The following DNA2 variants were observed in gnomAD, a reference collection of about 807,000 sequenced individuals.
DNA2 encodes DNA replication ATP-dependent helicase/nuclease DNA2.
In DNA2, 101 loss-of-function variants were observed where a neutral mutation model predicts 119.1. That is an observed-to-expected ratio of 0.85 (90% CI 0.72 to 1.00). The LOEUF (loss-of-function observed/expected upper bound fraction) is 1.00, where lower values mean the gene tolerates loss of function less well. Among genes scored for constraint, DNA2 ranks in the 50% least tolerant of loss-of-function variants. The pLI, the probability that DNA2 is intolerant of heterozygous loss-of-function variation, is 0.00. For synonymous variants in DNA2, 366 were observed against 424.4 expected, an observed-to-expected ratio of 0.86 and a Z score of 1.69; for missense variants, 1,121 against 1,255.5, an observed-to-expected ratio of 0.89 and a Z score of 1.62.
chr10:68,433,806 T>A (rs1357290104), intron 10 of DNA2, among the ~76,000 whole-genome samples: 3 of 152,200 alleles, frequency 2.0e-5, no homozygotes, highest in African/African-American at 7.2e-5. Flanking sequence ...CTCTCTTCCT[T>A]ATATTTTATA....
intron 14 of DNA2, among the ~76,000 whole-genome samples, chr10:68,427,359 A>T (rs2051755868): frequency 6.6e-6 from 1 of 151,928 alleles, no homozygotes; most frequent in South Asian, 2.1e-4. Context: ...AAAACAAAAA[A>T]AAAACCCCAC....
chr10:68,447,754 C>T (rs1306569444), intron 6 of DNA2, among the ~76,000 whole-genome samples: 7 of 151,458 alleles, frequency 4.6e-5, no homozygotes, highest in African/African-American at 1.5e-4. Flanking sequence ...GAGGCCGAGG[C>T]GGGCGGATCA....
At chr10:68,448,626 T>G (rs1366025958) in intron 6 of DNA2, among the ~76,000 whole-genome samples, 3 of 152,198 alleles carry the variant, frequency 2.0e-5, no homozygotes, top group Non-Finnish European at 4.4e-5. Context: ...ATTCTTAAAA[T>G]TTTCTTGCAC....
In DNA2 at chr10:68,428,882, G is replaced by A. The variant is rs1009452717; in HGVS notation, c.2208+1554C>T. Among the ~76,000 whole-genome samples, 6 of 152,116 alleles carry A rather than the reference G, an allele frequency of 3.9e-5. No homozygotes were observed. The South Asian group carries it at 1.0e-3, about 26-fold the overall frequency. On this transcript the variant is annotated intron_variant, in intron 14 of 20. Coordinates refer to ENST00000358410, the MANE Select transcript of DNA2 (RefSeq NM_001080449.3). ...AGGAATCTTGTGGTAATAGAATAGG[G>A]ACTGTATCAATGTCAACATCCTGGG...
Position 68,443,482 on chromosome 10 carries a change from A to G in DNA2, c.1221-371T>C, listed in dbSNP as rs552860725. On this transcript the variant is annotated intron_variant, in intron 8 of 20. Transcript: ENST00000358410. ...AGTACACATAAAAACACAGAGAATC[A>G]TTTGGATTTTGCTTAATACCAGATT... Among the ~76,000 whole-genome samples the G allele has an allele frequency of 2.0e-5, 3 of 152,326 alleles. No homozygotes were observed. In the South Asian group the frequency reaches 6.2e-4, roughly 32 times the overall value.
rs369989395 is a variant in DNA2, at chr10:68,430,651, G to T, written c.1993C>A (p.Leu665Ile). ...TTTICTLVRILYACGFSVLLT... is the reference protein window; with the variant it reads ...TTTICTLVRIIYACGFSVLLT... ...AAAACGCTAAAACCACAGGCGTAGA[G>T]AATTCTTACCTAATAATGGGTAAGA... Residue 665 changes from leucine to isoleucine, a missense_variant, in exon 14 of 21, where the codon CTC becomes ATC. Transcript: ENST00000358410. 24 of 1,582,480 alleles carry T rather than the reference G, an allele frequency of 1.5e-5. 1 individual carries two copies. In the South Asian group the frequency reaches 2.7e-4, roughly 18 times the overall value.
chr10:68,443,631 T>A (rs2051999243), intron 8 of DNA2, among the ~76,000 whole-genome samples: 1 of 152,132 alleles, frequency 6.6e-6, no homozygotes, highest in Non-Finnish European at 1.5e-5. Context: ...CATTAAGAGA[T>A]CCCTTGAAAA....
chr10:68,471,900 G>A lies in DNA2; in HGVS notation c.-36C>T, dbSNP rs975307442. 1.9e-6 allele frequency: 3 copies of A among 1,613,902 alleles called. No individual in the cohort carries two copies. Among genetic ancestry groups the A allele is most frequent in the South Asian group, 2.2e-5 (2 of 91,084 alleles). On this transcript the variant is annotated 5_prime_UTR_variant, in exon 1 of 21. Coordinates refer to ENST00000358410, the MANE Select transcript of DNA2 (RefSeq NM_001080449.3). ...GGGATCGCAAACTGTAGACAGAAAA[G>A]ACAGCGGAACCGGGGGTAACACAGA...
intron 9 of DNA2, among the ~76,000 whole-genome samples, chr10:68,442,345 A>G (rs941346325): frequency 6.6e-6 from 1 of 151,674 alleles, no homozygotes; most frequent in Admixed American, 6.6e-5. Context: ...CAGTCTCCTG[A>G]GTAGCTGGGA....
At chr10:68,439,446 A>T (rs867112484) in intron 9 of DNA2, among the ~76,000 whole-genome samples, 1 of 152,096 alleles carries the variant, frequency 6.6e-6, no homozygotes, top group African/African-American at 2.4e-5. Context: ...AACGCTTGTA[A>T]TCCCAGCACT....
Position 68,431,724 on chromosome 10 carries a change from C to A in DNA2, c.1983+138G>T, listed in dbSNP as rs765260621. ...TTTGTGCTTCAGCTTTACTATTTCT[C>A]ATCATTCTAAAAAGTTCATTTGAAA... On this transcript the variant is annotated intron_variant, in intron 13 of 20. Coordinates refer to ENST00000358410, the MANE Select transcript of DNA2 (RefSeq NM_001080449.3). 4.4e-5 allele frequency: 26 copies of A among 591,916 alleles called. No individual in the cohort carries two copies. In the Middle Eastern group the frequency reaches 1.9e-3, roughly 42 times the overall value. 36.7% of individuals were successfully genotyped at this position (591,916 alleles called of 1,614,324 possible). A position where few individuals can be genotyped will look rare whatever the true frequency, so the allele number is the denominator to read the frequency against.
intron 18 of DNA2, 107 bp downstream of exon 18, chr10:68,419,696 C>A (rs540182505): frequency 1.0e-4 from 78 of 783,634 alleles, no homozygotes; most frequent in African/African-American, 9.3e-4. Flanking sequence ...TCAATCCCCC[C>A]CTTATCTTAA....
At chr10:68,463,185 C>G (rs976939001) in intron 4 of DNA2, among the ~76,000 whole-genome samples, 49 of 151,758 alleles carry the variant, frequency 3.2e-4, no homozygotes, top group Non-Finnish European at 4.9e-4. Flanking sequence ...TGGCTCACAC[C>G]TGTAATCCCA....
chr10:68,442,844 C>T, intron 9 of DNA2, 73 bp downstream of exon 9: 1 of 1,269,390 alleles, frequency 7.9e-7, no homozygotes, highest in Non-Finnish European at 1.1e-6. Flanking sequence ...TTGTATTTGT[C>T]ATAAATTCCA....
Position 68,422,775 on chromosome 10 carries a change from G to C in DNA2, c.2324C>G (p.Pro775Arg). 3 of 1,609,778 alleles carry C rather than the reference G, an allele frequency of 1.9e-6. No homozygotes were observed. The highest frequency in any genetic ancestry group is 1.3e-5 in the African/African-American group (1 of 74,576). ...CACAAATCTCCGTGAAAAAAAAAGGGGGCCCAGACAAATTGGTTGGCTAAT... is the reference window on the plus strand; with the variant it reads ...CACAAATCTCCGTGAAAAAAAAAGGCGGCCCAGACAAATTGGTTGGCTAAT... ...SQISQPICLG[P>R]LFFSRRFVLV... is the part of the protein sequence containing the mutation. Residue 775 changes from proline to arginine, a missense_variant, in exon 15 of 21, where the codon CCC becomes CGC. Transcript: ENST00000358410.
intron 8 of DNA2, 86 bp downstream of exon 8, chr10:68,444,835 C>T (rs1196015479): frequency 1.2e-6 from 1 of 816,692 alleles, no homozygotes; most frequent in Non-Finnish European, 1.9e-6. Flanking sequence ...ATGATGTTAT[C>T]AATGCCCGTC....
chr10:68,438,001 C>T (rs948116539), intron 9 of DNA2, among the ~76,000 whole-genome samples: 5 of 152,132 alleles, frequency 3.3e-5, no homozygotes, highest in Non-Finnish European at 7.3e-5. Context: ...CCTGAGGCAC[C>T]ATGCTCGGCC....
chr10:68,471,057 G>C (rs1266140168), intron 1 of DNA2, among the ~76,000 whole-genome samples: 1 of 152,134 alleles, frequency 6.6e-6, no homozygotes, highest in Non-Finnish European at 1.5e-5. Context: ...CTCCTATTAA[G>C]TACCTCTTAA....
At chr10:68,447,286 C>T (rs533436319) in intron 6 of DNA2, among the ~76,000 whole-genome samples, 32 of 151,814 alleles carry the variant, frequency 2.1e-4, no homozygotes, top group African/African-American at 7.7e-4. Context: ...GGAAGGCCAA[C>T]GTGGGCAGAT....
Sources: allele counts gnomAD v4.1 joint callset (sites outside exome capture counted in the v4.1 genomes callset), GRCh38; gene constraint gnomAD v4.1.1; transcripts MANE v1.5; gene names NCBI Gene and HGNC (gene_info 2026-07-23, HGNC 2026-07-21).